The following TNFSF4 variants were observed in gnomAD, a reference collection of about 807,000 sequenced individuals.
The protein encoded by TNFSF4 is TNF superfamily member 4.
A neutral mutation model predicts 7.3 loss-of-function variants in TNFSF4; 4 were observed. The observed-to-expected ratio is 0.55, with a 90% CI of 0.27 to 1.25. TNFSF4 has a LOEUF of 1.25. TNFSF4 is among the 50% of genes most tolerant of loss of function. The pLI, the probability that TNFSF4 is intolerant of heterozygous loss-of-function variation, is 0.12. For synonymous variants in TNFSF4, 76 were observed against 83.7 expected, an observed-to-expected ratio of 0.91 and a Z score of 0.50; for missense variants, 181 against 208.8, an observed-to-expected ratio of 0.87 and a Z score of 0.82.
At chr1:173,243,788 C>G in the TNFSF4 span, among the ~76,000 whole-genome samples, 3 of 152,198 alleles carry the variant, frequency 2.0e-5, no homozygotes, top group African/African-American at 7.2e-5. Context: ...CCATTCTTCT[C>G]ATATCCCTGT....
the TNFSF4 span, among the ~76,000 whole-genome samples, chr1:173,402,639 A>G: frequency 0.12 from 18,938 of 152,136 alleles, 1,469 homozygotes; most frequent in South Asian, 0.23. Flanking sequence ...TCCTGCTTCA[A>G]GGTCATCACC....
the TNFSF4 span, among the ~76,000 whole-genome samples, chr1:173,298,910 T>C: frequency 1.3e-5 from 2 of 152,064 alleles, no homozygotes; most frequent in East Asian, 3.9e-4. Flanking sequence ...AGAGGATATA[T>C]AAAATATAAT....
chr1:173,358,054 G>T, the TNFSF4 span, among the ~76,000 whole-genome samples: 148,296 of 152,316 alleles, frequency 0.97, 72,328 homozygotes, highest in South Asian at 1. Flanking sequence ...ATGGGGGGGG[G>T]TATCCTGGAT....
the TNFSF4 span, among the ~76,000 whole-genome samples, chr1:173,252,764 A>G: frequency 1.3e-5 from 2 of 152,170 alleles, no homozygotes; most frequent in Non-Finnish European, 2.9e-5. Context: ...AGAGCAAGAG[A>G]AATTTCCCCA....
At position 173,207,119 on chromosome 1, in the gene TNFSF4, C is replaced by T. The variant is rs1650229893; in HGVS notation, c.58G>A (p.Glu20Lys). Residue 20 changes from glutamate (E) to lysine (K), a missense_variant, in exon 1 of 3, where the codon GAG (glutamate) becomes AAG (lysine). Transcript: ENST00000281834. ...GCCACCAGCAATAGCTTGTTCCTCT[C>T]GAATCTTGGCCTGGCTGCATTTCCC... ...NVGNAARPRF[E>K]RNKLLLVASV... The T allele has an allele frequency of 2.5e-6, 4 of 1,613,828 alleles. No individual in the cohort carries two copies. The highest frequency in any genetic ancestry group is 1.1e-5 in the South Asian group (1 of 91,044).
chr1:173,374,948 T>A, the TNFSF4 span, among the ~76,000 whole-genome samples: 1 of 152,170 alleles, frequency 6.6e-6, no homozygotes, highest in African/African-American at 2.4e-5. Context: ...GATTTCTCAG[T>A]TTGCAAGAGA....
chr1:173,224,573 C>T, the TNFSF4 span, among the ~76,000 whole-genome samples: 2 of 152,140 alleles, frequency 1.3e-5, no homozygotes, highest in African/African-American at 2.4e-5. Context: ...CATGTGGTAA[C>T]TCATTAAACT....
At chr1:173,339,772 G>C in the TNFSF4 span, among the ~76,000 whole-genome samples, 451 of 152,254 alleles carry the variant, frequency 3.0e-3, 17 homozygotes, top group East Asian at 0.081. Context: ...ACATAGGATA[G>C]TTGTATCATG....
At chr1:173,364,377 A>ATG in the TNFSF4 span, among the ~76,000 whole-genome samples, 1 of 135,914 alleles carries the variant, frequency 7.4e-6, no homozygotes, top group Non-Finnish European at 1.6e-5. Flanking sequence ...ATTGGGGTGT[A>ATG]TGTGTATATA....
the TNFSF4 span, among the ~76,000 whole-genome samples, chr1:173,419,954 T>C: frequency 1.3e-5 from 2 of 152,166 alleles, no homozygotes; most frequent in African/African-American, 2.4e-5. Context: ...AGTTTGCCTG[T>C]CCTCTATCAG....
the TNFSF4 span, among the ~76,000 whole-genome samples, chr1:173,288,342 G>A: frequency 1.3e-3 from 196 of 152,144 alleles, no homozygotes; most frequent in African/African-American, 4.5e-3. Context: ...GGGCTGAAGC[G>A]GGAGGACTGC....
intron 1 of TNFSF4, among the ~76,000 whole-genome samples, chr1:173,199,166 G>A (rs1016335024): frequency 1.1e-4 from 17 of 152,170 alleles, no homozygotes; most frequent in African/African-American, 3.9e-4. Flanking sequence ...CAAACTCTGG[G>A]AGGGCAGGGA....
At chr1:173,211,914 G>A (rs1041399039), upstream of TNFSF4, among the ~76,000 whole-genome samples, 3 of 152,112 alleles carry the variant, frequency 2.0e-5, no homozygotes, top group Admixed American at 2.0e-4. Context: ...TCTATTTTGT[G>A]TTGCTGTAAA....
At chr1:173,256,374 C>T in the TNFSF4 span, among the ~76,000 whole-genome samples, 1 of 152,102 alleles carries the variant, frequency 6.6e-6, no homozygotes, top group South Asian at 2.1e-4. Context: ...GCCACCTTCT[C>T]GCTGTGATCT....
At chr1:173,193,044 GA>G (rs1461582585) in intron 1 of TNFSF4, among the ~76,000 whole-genome samples, 1 of 151,976 alleles carries the variant, frequency 6.6e-6, no homozygotes, top group African/African-American at 2.4e-5. Flanking sequence ...ATGGATTAAA[GA>G]AAAAAACAAA....
the TNFSF4 span, among the ~76,000 whole-genome samples, chr1:173,232,693 T>G: frequency 2.0e-5 from 3 of 152,226 alleles, no homozygotes; most frequent in Non-Finnish European, 2.9e-5. Flanking sequence ...TGTTGGATTT[T>G]GTCGAAGGCC....
At chr1:173,450,499 A>G in the TNFSF4 span, among the ~76,000 whole-genome samples, 2 of 151,890 alleles carry the variant, frequency 1.3e-5, no homozygotes, top group African/African-American at 4.8e-5. Context: ...ATCCTTTAAG[A>G]GCACAGACAC....
At chr1:173,450,265 G>A in the TNFSF4 span, among the ~76,000 whole-genome samples, 1 of 152,100 alleles carries the variant, frequency 6.6e-6, no homozygotes, top group Non-Finnish European at 1.5e-5. Flanking sequence ...ATATATGTAT[G>A]TATAACTTTT....
the TNFSF4 span, among the ~76,000 whole-genome samples, chr1:173,322,648 G>C: frequency 6.6e-6 from 1 of 152,106 alleles, no homozygotes; most frequent in Non-Finnish European, 1.5e-5. Flanking sequence ...CAAAGAAAGG[G>C]GTGGCAGACG....
Sources: allele counts gnomAD v4.1 joint callset (sites outside exome capture counted in the v4.1 genomes callset), GRCh38; gene constraint gnomAD v4.1.1; transcripts MANE v1.5; gene names NCBI Gene and HGNC (gene_info 2026-07-23, HGNC 2026-07-21).